Variants in RPGRIP1 observed in about 807,000 individuals in gnomAD.
RPGRIP1 encodes the protein RPGR interacting protein 1, also known as X-linked retinitis pigmentosa GTPase regulator-interacting protein 1.
A neutral mutation model predicts 157.9 loss-of-function variants in RPGRIP1; 128 were observed. The observed-to-expected ratio is 0.81, with a 90% CI of 0.70 to 0.94. RPGRIP1 has a LOEUF of 0.94. Among genes scored for constraint, RPGRIP1 ranks in the 40% least tolerant of loss-of-function variants. The pLI is 0.00. For synonymous variants in RPGRIP1, 554 were observed against 571.6 expected (o/e 0.97, Z 0.44); for missense variants, 1,486 against 1,545.8 (o/e 0.96, Z 0.65).
At position 21,327,827 on chromosome 14, in the gene RPGRIP1, C is replaced by A; in HGVS notation, c.2895+20C>A. 6.5e-7 allele frequency: 1 copy of A among 1,544,428 alleles called. No homozygotes were observed. Among genetic ancestry groups the A allele is most frequent in the Non-Finnish European group, 8.8e-7 (1 of 1,142,808 alleles). On this transcript the variant is annotated intron_variant, in intron 18 of 24. Coordinates refer to ENST00000400017, the MANE Select transcript of RPGRIP1 (RefSeq NM_020366.4). Reference sequence around the variant, plus strand: ...TCCCAGGTAACTCTCCAGGACTCCACAGGTAGCAGATCTCTGCCAATCCTA... The same window carrying A: ...TCCCAGGTAACTCTCCAGGACTCCAAAGGTAGCAGATCTCTGCCAATCCTA...
At chr14:21,304,634 A>C (rs1881218500) in intron 6 of RPGRIP1, among the ~76,000 whole-genome samples, 1 of 152,108 alleles carries the variant, frequency 6.6e-6, no homozygotes, top group Non-Finnish European at 1.5e-5. Context: ...TAAGCAGGAA[A>C]TAGAGTTCCT....
At position 21,301,707 on chromosome 14, in the gene RPGRIP1, TAATAATAATAATAATAAA is replaced by T. The variant is rs1182721442; in HGVS notation, c.490+473_490+490del. Among the ~76,000 whole-genome samples, 85 of 120,316 alleles carry T rather than the reference TAATAATAATAATAATAAA, an allele frequency of 7.1e-4. 1 individual carries two copies. Among genetic ancestry groups the T allele is most frequent in the East Asian group, 1.6e-3 (7 of 4,380 alleles). The allele number at this position is 120,316 out of a possible 152,430, so 78.9% of individuals were successfully genotyped here. ...ATAATAATAATAATAATAATAATAA[TAATAATAATAATAATAAA>T]AAATTAGCCAAGCCTGGTGGCACAT... On this transcript the variant is annotated intron_variant, in intron 4 of 24. Transcript: ENST00000400017.
At chr14:21,298,819 AATC>A (rs1333882276) in intron 3 of RPGRIP1, among the ~76,000 whole-genome samples, 2 of 151,580 alleles carry the variant, frequency 1.3e-5, no homozygotes, top group Admixed American at 1.3e-4. Context: ...GGGCGCCTGT[AATC>A]CCAGCTACTC....
At position 21,326,183 on chromosome 14, in the gene RPGRIP1, C is replaced by G; in HGVS notation, c.2710+10C>G. The G allele has an allele frequency of 6.5e-7, 1 of 1,539,632 alleles. No individual in the cohort carries two copies. Among genetic ancestry groups the G allele is most frequent in the South Asian group, 1.3e-5 (1 of 79,542 alleles). On this transcript the variant is annotated intron_variant, in intron 17 of 24. Coordinates refer to ENST00000400017, the MANE Select transcript of RPGRIP1 (RefSeq NM_020366.4). ...AATGAATCTATCAAAGGTGGGAGTT[C>G]GAGGTTATTACATCTTCACGCCCTC...
chr14:21,294,955 T>G, intron 3 of RPGRIP1, 146 bp downstream of exon 3: 1 of 601,808 alleles, frequency 1.7e-6, no homozygotes. Context: ...GCAATTCTCC[T>G]GCCCCAGCCT....
intron 21 of RPGRIP1, among the ~76,000 whole-genome samples, chr14:21,336,516 CAGAG>C (rs1884380379): frequency 6.6e-6 from 1 of 152,164 alleles, no homozygotes; most frequent in Non-Finnish European, 1.5e-5. Context: ...GCTTAGGTGA[CAGAG>C]AGAGACCCTG....
At chr14:21,311,544 T>C (rs1881541741) in intron 8 of RPGRIP1, among the ~76,000 whole-genome samples, 1 of 112,074 alleles carries the variant, frequency 8.9e-6, no homozygotes, top group Admixed American at 9.0e-5. Context: ...CGAGACTGTC[T>C]CAATAAATAA....
intron 2 of RPGRIP1, among the ~76,000 whole-genome samples, chr14:21,294,239 T>G (rs575936091): frequency 1.2e-4 from 18 of 151,566 alleles, no homozygotes; most frequent in South Asian, 1.0e-3. Context: ...TTTTGTTTTT[T>G]TTTTTTTCCA....
intron 14 of RPGRIP1, chr14:21,324,206 C>T: frequency 3.3e-6 from 1 of 299,164 alleles, no homozygotes; most frequent in South Asian, 3.2e-5. Context: ...ATGTCTGCAA[C>T]TTGCTATTAT....
chr14:21,349,628 C>T (rs1300045567), intron 24 of RPGRIP1, among the ~76,000 whole-genome samples: 1 of 151,026 alleles, frequency 6.6e-6, no homozygotes, highest in Non-Finnish European at 1.5e-5. Flanking sequence ...TCTCGAACTC[C>T]CAACCTCATG....
At chr14:21,329,881 G>T (rs1266540077) in intron 19 of RPGRIP1, among the ~76,000 whole-genome samples, 1 of 151,380 alleles carries the variant, frequency 6.6e-6, no homozygotes, top group Admixed American at 6.6e-5. Context: ...ACTTTGGGAG[G>T]CTGAGGCATG....
chr14:21,292,115 C>T (rs1483826182), intron 2 of RPGRIP1, among the ~76,000 whole-genome samples: 1 of 151,838 alleles, frequency 6.6e-6, no homozygotes, highest in African/African-American at 2.4e-5. Context: ...TGGTCTCAAA[C>T]TCCTGAACTC....
In RPGRIP1 at chr14:21,307,761, TC is replaced by T; in HGVS notation, c.832del (p.Arg278AspfsTer15). On this transcript the variant is annotated frameshift_variant, in exon 7 of 25. Coordinates refer to ENST00000400017, the MANE Select transcript of RPGRIP1 (RefSeq NM_020366.4). LOFTEE classifies it high-confidence loss of function. The stretch of plus-strand genomic sequence containing the variant: ...CCATTAAAGAGAAGGTAGAGCTGAT[TC>T]GACTTAAGAAGCTCTTACATGAAAG... ...ASIKEKVELI[R>X]LKKLLHERNA... The T allele has an allele frequency of 1.3e-6, 2 of 1,567,806 alleles. No homozygotes were observed. Among genetic ancestry groups the T allele is most frequent in the Non-Finnish European group, 1.7e-6 (2 of 1,155,732 alleles).
intron 16 of RPGRIP1, 75 bp from the exon 17 acceptor site, chr14:21,325,756 A>G (rs1283476207): frequency 1.8e-6 from 2 of 1,099,706 alleles, no homozygotes; most frequent in Non-Finnish European, 1.3e-6. Flanking sequence ...GCTCTTCCTC[A>G]CCACAGATCC....
At chr14:21,340,979 G>C (rs554887578) in intron 21 of RPGRIP1, among the ~76,000 whole-genome samples, 1 of 152,210 alleles carries the variant, frequency 6.6e-6, no homozygotes, top group East Asian at 1.9e-4. Flanking sequence ...TAGTTTTCTT[G>C]ATGTTTGGGA....
At chr14:21,320,581 G>A (rs189784980) in intron 12 of RPGRIP1, among the ~76,000 whole-genome samples, 26,753 of 145,364 alleles carry the variant, frequency 0.18, 2,878 homozygotes, top group Middle Eastern at 0.28. Context: ...GTAAGCCACC[G>A]CGCCCGGCCC....
In RPGRIP1 at chr14:21,317,785, A is replaced by T; in HGVS notation, c.1241A>T (p.Gln414Leu). The change falls in exon 11 of 25, where the codon CAG (glutamine) becomes CTG (leucine). Residue 414 changes from glutamine (Q) to leucine (L), a missense_variant. By Grantham distance (113) the Gln-to-Leu change is moderately radical (BLOSUM62 -2). Transcript: ENST00000400017. ...EQLQQQVSQL[Q>L]DQLDAELEDK... ...CTACAGCAGCAAGTCTCTCAGCTGCAGGATCAGCTGGATGCTGAGCTGGAG... is the reference window on the plus strand; with the variant it reads ...CTACAGCAGCAAGTCTCTCAGCTGCTGGATCAGCTGGATGCTGAGCTGGAG... 1 of 1,602,970 alleles carries T rather than the reference A, an allele frequency of 6.2e-7. No homozygotes were observed. The highest frequency in any genetic ancestry group is 1.1e-5 in the South Asian group (1 of 88,620).
Position 21,327,705 on chromosome 14 carries a change from C to T in RPGRIP1, c.2793C>T (p.Pro931=), listed in dbSNP as rs764986270. Residue 931 remains proline, a synonymous_variant, in exon 18 of 25, where the codon CCC becomes CCT. Transcript: ENST00000400017. ...VQLDWKFPYI[P]PESFLKPEAQ... is the part of the protein sequence containing the mutation. ...TGGATTGGAAGTTTCCCTACATACC[C>T]CCTGAGAGCTTCCTGAAACCAGAAG... The T allele has an allele frequency of 6.2e-7, 1 of 1,613,708 alleles. No individual in the cohort carries two copies. Among genetic ancestry groups the T allele is most frequent in the African/African-American group, 1.3e-5 (1 of 74,886 alleles).
chr14:21,317,919 TGA>T (rs759335366), intron 11 of RPGRIP1, 69 bp downstream of exon 11: 223 of 1,355,376 alleles, frequency 1.6e-4, no homozygotes, highest in Non-Finnish European at 2.2e-4. Context: ...GAAGATAACT[TGA>T]GCCATCATTT....
Sources: gnomAD v4.1 joint callset for allele counts (sites outside exome capture counted in the v4.1 genomes callset) on GRCh38, gnomAD v4.1.1 for gene constraint, MANE v1.5 for transcripts, NCBI Gene and HGNC (gene_info 2026-07-23, HGNC 2026-07-21) for gene names.